CCSER1: variants seen among roughly 807,000 people sequenced by gnomAD.
CCSER1 encodes the protein coiled-coil serine rich protein 1, also known as serine-rich coiled-coil domain-containing protein 1.
Under a neutral mutation model 82.0 loss-of-function variants are expected in CCSER1, and 41 were observed. The ratio of observed to expected loss-of-function variants is 0.50; its 90% CI spans 0.39 to 0.65. The LOEUF is 0.65. Ranked by LOEUF, CCSER1 falls within the 30% of genes least tolerant of loss-of-function variation. The probability of loss-of-function intolerance (pLI) is 0.00; values close to 1 mark genes in which losing one functional copy is unlikely to be tolerated. For synonymous variants in CCSER1, 414 were observed against 383.9 expected, an observed-to-expected ratio of 1.08 and a Z score of -0.92; for missense variants, 1,119 against 1,064.2, an observed-to-expected ratio of 1.05 and a Z score of -0.72.
At chr4:90,603,776 C>A (rs139176645) in intron 5 of CCSER1, among the ~76,000 whole-genome samples, 1 of 152,252 alleles carries the variant, frequency 6.6e-6, no homozygotes, top group African/African-American at 2.4e-5. Context: ...AAAGCAGTTG[C>A]TTTCCAGGGA....
At chr4:90,225,231 A>ATTTTTTTTT (rs57188209) in intron 1 of CCSER1, among the ~76,000 whole-genome samples, 7 of 111,872 alleles carry the variant, frequency 6.3e-5, no homozygotes, top group African/African-American at 1.4e-4. Flanking sequence ...TACCCGGCTA[A>ATTTTTTTTT]TTTTTTTTTT....
At chr4:91,479,276 C>T (rs972639692) in intron 10 of CCSER1, among the ~76,000 whole-genome samples, 6 of 150,866 alleles carry the variant, frequency 4.0e-5, no homozygotes, top group African/African-American at 9.7e-5. Context: ...ATATAAAAAG[C>T]GATGGGATTA....
At chr4:90,792,487 G>C (rs1755394338) in intron 7 of CCSER1, among the ~76,000 whole-genome samples, 1 of 152,176 alleles carries the variant, frequency 6.6e-6, no homozygotes, top group African/African-American at 2.4e-5. Flanking sequence ...GAAATGTACA[G>C]GGCCCCAGAG....
At chr4:91,328,560 A>T (rs576297018) in intron 10 of CCSER1, among the ~76,000 whole-genome samples, 7 of 152,160 alleles carry the variant, frequency 4.6e-5, no homozygotes, top group Non-Finnish European at 1.0e-4. Flanking sequence ...GCCAAACCAT[A>T]TCAACCACAG....
At chr4:90,890,175 A>G (rs2150109925) in intron 8 of CCSER1, among the ~76,000 whole-genome samples, 1 of 152,344 alleles carries the variant, frequency 6.6e-6, no homozygotes, top group Admixed American at 6.5e-5. Flanking sequence ...TATTGTAGAC[A>G]GAATATTGTC....
intron 10 of CCSER1, among the ~76,000 whole-genome samples, chr4:91,219,910 T>G (rs998225103): frequency 5.1e-4 from 78 of 152,346 alleles, no homozygotes; most frequent in African/African-American, 1.8e-3. Context: ...GAAATTTCTA[T>G]GTAGAGTATT....
At chr4:91,252,971 A>T (rs570416316) in intron 10 of CCSER1, among the ~76,000 whole-genome samples, 1 of 152,164 alleles carries the variant, frequency 6.6e-6, no homozygotes, top group South Asian at 2.1e-4. Flanking sequence ...TTAAGTGTAA[A>T]TGAATTAAAC....
chr4:91,573,664 G>A (rs111797008), intron 10 of CCSER1, among the ~76,000 whole-genome samples: 35 of 152,276 alleles, frequency 2.3e-4, no homozygotes, highest in African/African-American at 7.9e-4. Flanking sequence ...CAGGTGGACC[G>A]TTGCCCTGCT....
intron 9 of CCSER1, among the ~76,000 whole-genome samples, chr4:90,945,891 G>A (rs1479743954): frequency 2.0e-5 from 3 of 151,864 alleles, no homozygotes; most frequent in East Asian, 1.9e-4. Flanking sequence ...TGATCCTCAC[G>A]AAAGCTATAA....
At chr4:91,139,075 T>A (rs1404120349) in intron 10 of CCSER1, among the ~76,000 whole-genome samples, 1 of 152,146 alleles carries the variant, frequency 6.6e-6, no homozygotes, top group African/African-American at 2.4e-5. Context: ...GTTGTTGCCA[T>A]CTTTATGTCC....
intron 10 of CCSER1, among the ~76,000 whole-genome samples, chr4:91,191,641 G>C (rs2069645517): frequency 6.6e-6 from 1 of 152,074 alleles, no homozygotes; most frequent in Admixed American, 6.6e-5. Flanking sequence ...CGGTTCCAAG[G>C]CAGGTTCCAC....
At chr4:90,861,785 G>C (rs900059720) in intron 8 of CCSER1, among the ~76,000 whole-genome samples, 46 of 151,326 alleles carry the variant, frequency 3.0e-4, no homozygotes, top group Non-Finnish European at 4.3e-4. Flanking sequence ...GTGAGATAGG[G>C]CATCAGCCTA....
At chr4:91,591,693 T>A (rs1764279091) in intron 10 of CCSER1, among the ~76,000 whole-genome samples, 1 of 152,150 alleles carries the variant, frequency 6.6e-6, no homozygotes, top group Admixed American at 6.6e-5. Flanking sequence ...AAATAGAAGA[T>A]AAAGGAGTTG....
intron 5 of CCSER1, among the ~76,000 whole-genome samples, chr4:90,522,120 A>G (rs1274096016): frequency 1.3e-5 from 2 of 152,162 alleles, no homozygotes; most frequent in East Asian, 3.9e-4. Context: ...TCAGAACTTT[A>G]TATCTGATGT....
chr4:91,261,656 T>C (rs1162404853), intron 10 of CCSER1, among the ~76,000 whole-genome samples: 2 of 152,192 alleles, frequency 1.3e-5, no homozygotes, highest in African/African-American at 2.4e-5. Flanking sequence ...GTAAGACTTT[T>C]AGAAGCTCTG....
chr4:90,161,287 G>T (rs1230757870), intron 1 of CCSER1, among the ~76,000 whole-genome samples: 1 of 152,102 alleles, frequency 6.6e-6, no homozygotes, highest in Non-Finnish European at 1.5e-5. Flanking sequence ...TAAAAAAACA[G>T]TTAACACTTA....
chr4:90,311,765 A>T (rs984262422), intron 2 of CCSER1, among the ~76,000 whole-genome samples: 1 of 152,226 alleles, frequency 6.6e-6, no homozygotes, highest in Admixed American at 6.5e-5. Context: ...AAGAACTGCT[A>T]TATATTGGAC....
At chr4:90,574,782 T>C (rs1283365143) in intron 5 of CCSER1, among the ~76,000 whole-genome samples, 3 of 152,102 alleles carry the variant, frequency 2.0e-5, no homozygotes, top group East Asian at 1.9e-4. Flanking sequence ...TTTTGTGTTA[T>C]ATTAACCAAA....
At chr4:90,490,468 A>G (rs1767813141) in intron 5 of CCSER1, among the ~76,000 whole-genome samples, 1 of 152,042 alleles carries the variant, frequency 6.6e-6, no homozygotes, top group African/African-American at 2.4e-5. Flanking sequence ...CCCATTCTGT[A>G]GGTTGCCTGT....
Sources: gnomAD v4.1 joint callset for allele counts (sites outside exome capture counted in the v4.1 genomes callset) on GRCh38, gnomAD v4.1.1 for gene constraint, MANE v1.5 for transcripts, NCBI Gene and HGNC (gene_info 2026-07-23, HGNC 2026-07-21) for gene names.